MDGA2: variants seen among roughly 807,000 people sequenced by gnomAD.
MDGA2 encodes MAM domain containing glycosylphosphatidylinositol anchor 2.
A neutral mutation model predicts 117.8 loss-of-function variants in MDGA2; 40 were observed. The ratio of observed to expected loss-of-function variants is 0.34; its 90% CI spans 0.26 to 0.44. The LOEUF (loss-of-function observed/expected upper bound fraction) is 0.44. Ranked by LOEUF, MDGA2 falls within the 20% of genes least tolerant of loss-of-function variation. MDGA2 has a pLI of 1.00. For missense variants in MDGA2, 1,123 were observed against 1,250.6 expected (o/e 0.90, Z 1.54); for synonymous variants, 452 against 439.0 (o/e 1.03, Z -0.37).
intron 1 of MDGA2, among the ~76,000 whole-genome samples, chr14:47,524,298 C>A (rs1894927982): frequency 6.6e-6 from 1 of 152,114 alleles, no homozygotes; most frequent in Admixed American, 6.6e-5. Flanking sequence ...ACAGAAAATA[C>A]ATTTAAAAAT....
chr14:47,180,902 C>G (rs1884675110), intron 3 of MDGA2, among the ~76,000 whole-genome samples: 2 of 152,202 alleles, frequency 1.3e-5, no homozygotes, highest in Admixed American at 1.3e-4. Flanking sequence ...GCTTGGGCGA[C>G]AGAGCGAGAC....
intron 2 of MDGA2, among the ~76,000 whole-genome samples, chr14:47,221,411 G>A (rs995424207): frequency 2.6e-5 from 4 of 152,116 alleles, no homozygotes; most frequent in Admixed American, 1.3e-4. Context: ...AAAGAGGGCC[G>A]GGCACGGTGG....
intron 2 of MDGA2, among the ~76,000 whole-genome samples, chr14:47,285,484 A>G (rs1313127850): frequency 1.3e-5 from 2 of 152,122 alleles, no homozygotes; most frequent in East Asian, 1.9e-4. Context: ...ATATGTTCCA[A>G]TGACTTGAGA....
chr14:46,987,677 G>T (rs1419497083), intron 8 of MDGA2, among the ~76,000 whole-genome samples: 1 of 152,020 alleles, frequency 6.6e-6, no homozygotes, highest in Non-Finnish European at 1.5e-5. Flanking sequence ...CTAACAAAAA[G>T]TTAGAACAAT....
chr14:46,898,627 C>A (rs1566514041), intron 10 of MDGA2, among the ~76,000 whole-genome samples: 1 of 151,964 alleles, frequency 6.6e-6, no homozygotes, highest in Non-Finnish European at 1.5e-5. Context: ...TGGTACTTGA[C>A]AAATAATTTG....
rs1435333434 is a variant in MDGA2, at chr14:47,675,042, G to A, written c.-246C>T. On this transcript the variant is annotated 5_prime_UTR_variant, in exon 1 of 17. Transcript: ENST00000399232. Reference sequence around the variant, plus strand: ...GGCGGCGGGCGCGGGCAGGGGGCCGGGGGTGCCGCGCGGTAGGAGCCTGGC... The same window carrying A: ...GGCGGCGGGCGCGGGCAGGGGGCCGAGGGTGCCGCGCGGTAGGAGCCTGGC... The A allele has an allele frequency of 5.6e-6, 1 of 178,216 alleles. No homozygotes were observed. The highest frequency in any genetic ancestry group is 1.2e-5 in the Non-Finnish European group (1 of 86,470). The allele number at this position is 178,216 out of a possible 1,614,324, so 11.0% of individuals were successfully genotyped here. A position where few individuals can be genotyped will look rare whatever the true frequency, so the allele number is the denominator to read the frequency against.
In MDGA2 at chr14:46,988,412, C is replaced by G. The variant is rs547295922; in HGVS notation, c.1820-30769G>C. Among the ~76,000 whole-genome samples the G allele has an allele frequency of 6.6e-5, 10 of 152,068 alleles. No individual in the cohort carries two copies. The South Asian group carries it at 1.0e-3, about 16-fold the overall frequency. The stretch of plus-strand genomic sequence containing the variant: ...TAAAGTTTAATTTGAACATAAGCAA[C>G]TTAATAAAAACTGAAACACCAGGGA... On this transcript the variant is annotated intron_variant, in intron 8 of 16. Transcript: ENST00000399232.
chr14:47,260,773 T>C (rs1028310718), intron 2 of MDGA2, among the ~76,000 whole-genome samples: 2 of 152,058 alleles, frequency 1.3e-5, no homozygotes, highest in African/African-American at 4.8e-5. Flanking sequence ...TGTCACTGAA[T>C]TGACTCCTCA....
chr14:47,456,819 C>A (rs750892896), intron 1 of MDGA2, among the ~76,000 whole-genome samples: 8 of 151,938 alleles, frequency 5.3e-5, no homozygotes, highest in Non-Finnish European at 2.9e-5. Context: ...AATATAGTGA[C>A]TCTGTGTGAA....
chr14:47,586,011 G>A (rs146244861), intron 1 of MDGA2, among the ~76,000 whole-genome samples: 118 of 151,986 alleles, frequency 7.8e-4, no homozygotes, highest in African/African-American at 2.6e-3. Flanking sequence ...TAGGTCACAT[G>A]TTTACTCCTG....
intron 1 of MDGA2, among the ~76,000 whole-genome samples, chr14:47,340,846 T>C (rs944247123): frequency 7.9e-5 from 12 of 152,208 alleles, no homozygotes; most frequent in African/African-American, 2.9e-4. Context: ...ATTTCAGAGA[T>C]AGAATTAAGT....
intron 9 of MDGA2, among the ~76,000 whole-genome samples, chr14:46,939,606 T>G (rs1488536939): frequency 6.6e-6 from 1 of 152,184 alleles, no homozygotes; most frequent in Non-Finnish European, 1.5e-5. Context: ...GTGTTTAATC[T>G]CTCCCAGACA....
intron 1 of MDGA2, among the ~76,000 whole-genome samples, chr14:47,403,728 A>G (rs1200359803): frequency 2.0e-5 from 3 of 152,170 alleles, no homozygotes; most frequent in African/African-American, 7.2e-5. Context: ...TGTTCAGGAC[A>G]AGCTATGCCA....
chr14:46,959,810 A>C (rs1045367384), intron 8 of MDGA2, among the ~76,000 whole-genome samples: 3 of 152,210 alleles, frequency 2.0e-5, no homozygotes, highest in African/African-American at 7.2e-5. Flanking sequence ...CAAAAACATC[A>C]ATCAATACCC....
At chr14:47,474,901 A>G (rs1893804777) in intron 1 of MDGA2, among the ~76,000 whole-genome samples, 1 of 152,214 alleles carries the variant, frequency 6.6e-6, no homozygotes, top group Non-Finnish European at 1.5e-5. Flanking sequence ...TCTAGGCAAT[A>G]CCATCAGTAC....
At chr14:47,665,036 T>A (rs552615915) in intron 1 of MDGA2, among the ~76,000 whole-genome samples, 37 of 152,348 alleles carry the variant, frequency 2.4e-4, no homozygotes, top group African/African-American at 8.7e-4. Flanking sequence ...ATCTTTCTAG[T>A]TGGGGTAAAC....
intron 1 of MDGA2, among the ~76,000 whole-genome samples, chr14:47,462,099 C>T (rs1395921962): frequency 6.6e-6 from 1 of 152,146 alleles, no homozygotes; most frequent in Non-Finnish European, 1.5e-5. Context: ...ATCCAACTTG[C>T]AAGCGCGGTG....
chr14:47,563,594 T>C lies in MDGA2; in HGVS notation c.280+110923A>G, dbSNP rs867037258. 6.3e-3 allele frequency among the ~76,000 whole-genome samples: 535 copies of C among 84,324 alleles called. 7 individuals are homozygous for C. Among genetic ancestry groups the C allele is most frequent in the African/African-American group, 0.018 (516 of 29,288 alleles). The allele number at this position is 84,324 out of a possible 152,430, so 55.3% of individuals were successfully genotyped here. A position where few individuals can be genotyped will look rare whatever the true frequency, so the allele number is the denominator to read the frequency against. On this transcript the variant is annotated intron_variant, in intron 1 of 16. Transcript: ENST00000399232. ...CTTTTTTCTGTTTTTTTTTTTTTTT[T>C]TTTTTTTTTTTTTTTGCTTGGTAGA...
At chr14:47,387,120 T>C (rs540804201) in intron 1 of MDGA2, among the ~76,000 whole-genome samples, 73 of 152,320 alleles carry the variant, frequency 4.8e-4, no homozygotes, top group African/African-American at 1.6e-3. Context: ...TGATACTTTT[T>C]TTAGAATACC....
Sources: gnomAD v4.1 joint callset for allele counts (sites outside exome capture counted in the v4.1 genomes callset) on GRCh38, gnomAD v4.1.1 for gene constraint, MANE v1.5 for transcripts, NCBI Gene and HGNC (gene_info 2026-07-23, HGNC 2026-07-21) for gene names.